The following ALK variants were observed in gnomAD, a reference collection of about 807,000 sequenced individuals.
The protein encoded by ALK is ALK receptor tyrosine kinase.
Under a neutral mutation model 163.1 loss-of-function variants are expected in ALK, and 74 were observed. The ratio of observed to expected loss-of-function variants is 0.45; its 90% CI spans 0.38 to 0.55. The LOEUF is 0.55. ALK is among the 20% of genes least tolerant of loss of function. The pLI, the probability that ALK is intolerant of heterozygous loss-of-function variation, is 0.00. For synonymous variants in ALK, 960 were observed against 843.2 expected, an observed-to-expected ratio of 1.14 and a Z score of -2.40; for missense variants, 2,063 against 2,105.3, an observed-to-expected ratio of 0.98 and a Z score of 0.39.
intron 3 of ALK, among the ~76,000 whole-genome samples, chr2:29,554,947 G>C (rs1290455574): frequency 2.0e-5 from 3 of 152,036 alleles, no homozygotes; most frequent in African/African-American, 7.2e-5. Context: ...CAAATGCCAG[G>C]GCAACATCAG....
Position 29,611,586 on chromosome 2 carries a change from G to A in ALK, c.953-79470C>T, listed in dbSNP as rs924697088. On this transcript the variant is annotated intron_variant, in intron 3 of 28. Transcript: ENST00000389048. Reference sequence around the variant, plus strand: ...GTTATATAAATAAATGATATGGCTTGGCTCTGTGTCCCCACCCAAATCTCA... The same window carrying A: ...GTTATATAAATAAATGATATGGCTTAGCTCTGTGTCCCCACCCAAATCTCA... 3.3e-5 allele frequency among the ~76,000 whole-genome samples: 5 copies of A among 152,246 alleles called. No individual in the cohort carries two copies. The East Asian group carries it at 9.7e-4, about 29-fold the overall frequency.
rs2148289535 is a variant in ALK, at chr2:29,694,839, C to A, written c.952+11G>T. ...ACCCACCCAGGACATCACCAGCAGCCTCTCCCTTACCTCTGGGCATCTCCT... is the reference window on the plus strand; with the variant it reads ...ACCCACCCAGGACATCACCAGCAGCATCTCCCTTACCTCTGGGCATCTCCT... On this transcript the variant is annotated intron_variant, in intron 3 of 28. Transcript: ENST00000389048. The A allele has an allele frequency of 6.2e-7, 1 of 1,613,444 alleles. No individual in the cohort carries two copies. The highest frequency in any genetic ancestry group is 8.5e-7 in the Non-Finnish European group (1 of 1,179,982).
rs1060500223 is a variant in ALK, at chr2:29,920,112, C to T, written c.548G>A (p.Gly183Glu). The change falls in exon 1 of 29, where the codon GGG becomes GAG. Residue 183 changes from glycine to glutamate, a missense_variant. Transcript: ENST00000389048. The stretch of plus-strand genomic sequence containing the variant: ...GGGCATCAGGCGGATCCTCAGTCGC[C>T]CTTCGCCTTGGCGAATCCACCAACT... The part of the protein sequence containing the change: ...LFSWWIRQGE[G>E]RLRIRLMPEK... 3.7e-6 allele frequency: 6 copies of T among 1,614,150 alleles called. No homozygotes were observed. The highest frequency in any genetic ancestry group is 5.1e-6 in the Non-Finnish European group (6 of 1,180,050).
intron 1 of ALK, among the ~76,000 whole-genome samples, chr2:29,909,253 A>T (rs1341690427): frequency 6.6e-6 from 1 of 152,250 alleles, no homozygotes; most frequent in Admixed American, 6.5e-5. Context: ...TCCTTGAAAG[A>T]GTGAGAATGT....
chr2:29,719,946 A>T (rs1042191169), intron 1 of ALK, among the ~76,000 whole-genome samples: 1 of 152,008 alleles, frequency 6.6e-6, no homozygotes, highest in African/African-American at 2.4e-5. Context: ...ATTCACTTAG[A>T]CTCTAGGTCT....
intron 13 of ALK, among the ~76,000 whole-genome samples, chr2:29,237,147 A>G (rs1664406957): frequency 6.6e-6 from 1 of 152,138 alleles, no homozygotes; most frequent in African/African-American, 2.4e-5. Context: ...TTGACTTTCA[A>G]ATTACACCCA....
chr2:29,917,186 T>C (rs773553096), intron 1 of ALK, among the ~76,000 whole-genome samples: 3 of 152,296 alleles, frequency 2.0e-5, no homozygotes, highest in Non-Finnish European at 4.4e-5. Flanking sequence ...CTGAGCCAAA[T>C]GGGCTGCTCC....
chr2:29,320,947 A>G lies in ALK; in HGVS notation c.1415-65T>C, dbSNP rs147893706. 1.6e-5 allele frequency: 26 copies of G among 1,608,440 alleles called. No homozygotes were observed. The African/African-American group carries it at 3.2e-4, about 20-fold the overall frequency. On this transcript the variant is annotated intron_variant, in intron 6 of 28. Coordinates refer to ENST00000389048, the MANE Select transcript of ALK (RefSeq NM_004304.5). The stretch of plus-strand genomic sequence containing the variant: ...ACTAAAGGCAAAATATGCCAATGCC[A>G]AGTCGAATTAGCCAGGCATGACCAA...
chr2:29,710,492 C>CTGTGCG (rs1558453695), intron 2 of ALK, among the ~76,000 whole-genome samples: 1 of 102,126 alleles, frequency 9.8e-6, no homozygotes, highest in African/African-American at 3.9e-5. Flanking sequence ...CAACCTCAGT[C>CTGTGCG]TGTGTGCGTG....
At chr2:29,469,374 A>G (rs1044084495) in intron 4 of ALK, among the ~76,000 whole-genome samples, 2 of 152,192 alleles carry the variant, frequency 1.3e-5, no homozygotes, top group Non-Finnish European at 2.9e-5. Context: ...CAACAGTAAT[A>G]TCTAACAGGA....
chr2:29,412,800 GC>G (rs1434404106), intron 4 of ALK, among the ~76,000 whole-genome samples: 2 of 152,170 alleles, frequency 1.3e-5, no homozygotes, highest in African/African-American at 2.4e-5. Flanking sequence ...TTGCAAACAA[GC>G]TTTTTGCTTT....
Position 29,228,952 on chromosome 2 carries a change from T to TCC in ALK, c.2745_2746dup (p.Glu916GlyfsTer24). 7.2e-6 allele frequency: 6 copies of TCC among 838,910 alleles called. No homozygotes were observed. The highest frequency in any genetic ancestry group is 8.5e-6 in the Non-Finnish European group (5 of 585,142). 52.0% of individuals were successfully genotyped at this position (838,910 alleles called of 1,614,324 possible). On this transcript the variant is annotated frameshift_variant, in exon 16 of 29. Coordinates refer to ENST00000389048, the MANE Select transcript of ALK (RefSeq NM_004304.5). LOFTEE classifies it high-confidence loss of function. ...ACCCCCTCCGAAACCCCCTCTTGTC[T>TCC]CCCACCCCCACTTCTTCATGGCCTG...
At chr2:29,756,258 T>C (rs1297715630) in intron 1 of ALK, among the ~76,000 whole-genome samples, 1 of 152,212 alleles carries the variant, frequency 6.6e-6, no homozygotes, top group South Asian at 2.1e-4. Flanking sequence ...GGGAGGACCT[T>C]CCGGACCTTT....
chr2:29,601,129 T>C (rs539697014), intron 3 of ALK, among the ~76,000 whole-genome samples: 1 of 152,320 alleles, frequency 6.6e-6, no homozygotes, highest in East Asian at 1.9e-4. Flanking sequence ...AGAAGAAGTT[T>C]CAAACTAGCC....
chr2:29,821,778 G>T (rs1572407069), intron 1 of ALK, among the ~76,000 whole-genome samples: 1 of 152,192 alleles, frequency 6.6e-6, no homozygotes, highest in Non-Finnish European at 1.5e-5. Flanking sequence ...CCTGGGGGAA[G>T]AGAAGGGAAA....
intron 26 of ALK, among the ~76,000 whole-genome samples, chr2:29,203,519 CAG>C (rs1299757573): frequency 0.01 from 27 of 2,674 alleles, no homozygotes; most frequent in Admixed American, 0.031. Context: ...TTTTGTGAGA[CAG>C]AGTCTTGCTC....
intron 12 of ALK, among the ~76,000 whole-genome samples, chr2:29,242,192 C>T (rs1239086696): frequency 3.3e-5 from 5 of 152,136 alleles, no homozygotes; most frequent in Non-Finnish European, 5.9e-5. Flanking sequence ...GTGGATGGGC[C>T]CCAACTCTGT....
At chr2:29,208,345 G>A (rs1248234824) in intron 25 of ALK, among the ~76,000 whole-genome samples, 2 of 152,174 alleles carry the variant, frequency 1.3e-5, no homozygotes, top group Non-Finnish European at 2.9e-5. Flanking sequence ...GGTAACTTAG[G>A]GTGGTTGAAG....
chr2:29,839,928 T>C (rs1432942497), intron 1 of ALK, among the ~76,000 whole-genome samples: 5 of 152,350 alleles, frequency 3.3e-5, no homozygotes, highest in Middle Eastern at 3.4e-3. Context: ...GCTCATTTAA[T>C]CCTTACAGTC....
Sources: gnomAD v4.1 joint callset for allele counts (sites outside exome capture counted in the v4.1 genomes callset) on GRCh38, gnomAD v4.1.1 for gene constraint, MANE v1.5 for transcripts, NCBI Gene and HGNC (gene_info 2026-07-23, HGNC 2026-07-21) for gene names.